Variants in FOXN3 observed in about 807,000 individuals in gnomAD.
FOXN3 encodes the protein forkhead box protein N3.
FOXN3 carries 7 observed loss-of-function variants against 38.4 expected under a neutral mutation model. The observed-to-expected ratio is 0.18, with a 90% confidence interval of 0.10 to 0.34. The LOEUF (loss-of-function observed/expected upper bound fraction) is 0.34, where lower values mean the gene tolerates loss of function less well. Ranked by LOEUF, FOXN3 falls within the 10% of genes least tolerant of loss-of-function variation. The pLI is 1.00. For synonymous variants in FOXN3, 230 were observed against 242.2 expected (o/e 0.95, Z 0.47); for missense variants, 456 against 613.4 (o/e 0.74, Z 2.71).
intron 4 of FOXN3, among the ~76,000 whole-genome samples, chr14:89,260,382 G>A (rs745340355): frequency 8.5e-5 from 13 of 152,226 alleles, no homozygotes; most frequent in South Asian, 4.1e-4. Flanking sequence ...CGACCACTGC[G>A]GCAGCCTGCA....
intron 4 of FOXN3, among the ~76,000 whole-genome samples, chr14:89,241,049 C>T (rs960974346): frequency 2.0e-5 from 3 of 152,180 alleles, no homozygotes; most frequent in Non-Finnish European, 4.4e-5. Context: ...TTAGCAGTGA[C>T]TCTGACAAGC....
chr14:89,166,800 C>T (rs1200257717), intron 5 of FOXN3, among the ~76,000 whole-genome samples: 3 of 152,192 alleles, frequency 2.0e-5, no homozygotes, highest in Admixed American at 6.5e-5. Flanking sequence ...TGAAAAGCTC[C>T]TTCAATTATT....
At chr14:89,421,807 G>A (rs1891917461), upstream of FOXN3, among the ~76,000 whole-genome samples, 2 of 152,118 alleles carry the variant, frequency 1.3e-5, 1 homozygote, top group South Asian at 4.1e-4. Flanking sequence ...GGGATTACAG[G>A]CGCGAGCCAC....
rs543641503 is a variant in FOXN3 at position 89,387,688 on chromosome 14, G to A, written c.543+24246C>T. Among the ~76,000 whole-genome samples, 4 of 152,340 alleles carry A rather than the reference G, an allele frequency of 2.6e-5. No homozygotes were observed. In the South Asian group the frequency reaches 8.3e-4, roughly 32 times the overall value. On this transcript the variant is annotated intron_variant, in intron 2 of 5. Coordinates refer to ENST00000557258, the MANE Select transcript of FOXN3 (RefSeq NM_005197.4). ...GAGAGAGAGAGATTAATAAGATCAGGAGTAGATTCCATTAAGGAAATGGGC... is the reference window on the plus strand; with the variant it reads ...GAGAGAGAGAGATTAATAAGATCAGAAGTAGATTCCATTAAGGAAATGGGC...
chr14:89,542,492 T>G (rs1435802736), intron 1 of FOXN3, among the ~76,000 whole-genome samples: 1 of 152,222 alleles, frequency 6.6e-6, no homozygotes, highest in East Asian at 1.9e-4. Context: ...TTAATAAAGT[T>G]CAGCATGATC....
At chr14:89,340,606 C>A (rs775340195) in intron 3 of FOXN3, among the ~76,000 whole-genome samples, 2 of 152,170 alleles carry the variant, frequency 1.3e-5, no homozygotes, top group African/African-American at 2.4e-5. Context: ...TGGCCAAGAA[C>A]ATGTGCTTCC....
intron 4 of FOXN3, among the ~76,000 whole-genome samples, chr14:89,192,969 C>A (rs570415838): frequency 6.6e-6 from 1 of 152,228 alleles, no homozygotes; most frequent in South Asian, 2.1e-4. Flanking sequence ...TTCTTGCTGG[C>A]ATCTCACAAG....
intron 3 of FOXN3, among the ~76,000 whole-genome samples, chr14:89,323,412 G>C (rs1321011154): frequency 6.6e-6 from 1 of 151,932 alleles, no homozygotes; most frequent in South Asian, 2.1e-4. Context: ...CCCAAAGAAG[G>C]AGAGGTCCCA....
chr14:89,617,698 A>G (rs1232126204), intron 1 of FOXN3, among the ~76,000 whole-genome samples: 2 of 152,242 alleles, frequency 1.3e-5, no homozygotes, highest in African/African-American at 4.8e-5. Flanking sequence ...GACGTCTGCA[A>G]AGAAATTTGT....
At chr14:89,474,940 CGA>C (rs1470004828) in intron 1 of FOXN3, among the ~76,000 whole-genome samples, 1 of 152,084 alleles carries the variant, frequency 6.6e-6, no homozygotes, top group Non-Finnish European at 1.5e-5. Context: ...CTCAGCCTCC[CGA>C]GTAGCTGGGA....
chr14:89,566,082 C>CGGTGG (rs1327302667), intron 1 of FOXN3, among the ~76,000 whole-genome samples: 1 of 152,182 alleles, frequency 6.6e-6, no homozygotes, highest in Non-Finnish European at 1.5e-5. Context: ...AATTCCTGGC[C>CGGTGG]GGTGGGCTCC....
At chr14:89,310,935 C>T (rs769060978) in intron 3 of FOXN3, among the ~76,000 whole-genome samples, 13 of 151,030 alleles carry the variant, frequency 8.6e-5, no homozygotes, top group Non-Finnish European at 1.9e-4. Context: ...GGAGAAACCC[C>T]ATCTCTACTA....
intron 1 of FOXN3, among the ~76,000 whole-genome samples, chr14:89,445,649 G>A (rs533399569): frequency 1.4e-4 from 21 of 152,182 alleles, no homozygotes; most frequent in Admixed American, 7.9e-4. Context: ...TCACACTGCC[G>A]TAAAATCCCC....
chr14:89,318,751 G>A (rs779844152), intron 3 of FOXN3, among the ~76,000 whole-genome samples: 19 of 152,180 alleles, frequency 1.2e-4, no homozygotes, highest in Non-Finnish European at 2.5e-4. Flanking sequence ...CTGGTTGTGC[G>A]CAGCAGTGAC....
chr14:89,306,297 A>AACAC (rs149364423), intron 3 of FOXN3, among the ~76,000 whole-genome samples: 5 of 150,674 alleles, frequency 3.3e-5, no homozygotes, highest in African/African-American at 7.3e-5. Context: ...AGAAAAGCTC[A>AACAC]ACACACACAC....
In FOXN3 at chr14:89,164,010, T is replaced by C. The variant is rs970816583; in HGVS notation, c.852-1041A>G. On this transcript the variant is annotated intron_variant, in intron 5 of 5. Transcript: ENST00000557258. The surrounding 1 kb of genome is among the most constrained non-coding windows in gnomAD (Gnocchi z 4.3). ...ACATCTGAGCGATGTACTTTCCTTG[T>C]GCTTCCTTATCGCGAAAGTGGGAAT... is the stretch of plus-strand genomic sequence containing the variant. Among the ~76,000 whole-genome samples the C allele has an allele frequency of 6.6e-6, 1 of 152,242 alleles. No homozygotes were observed. Among genetic ancestry groups the C allele is most frequent in the Non-Finnish European group, 1.5e-5 (1 of 68,040 alleles).
chr14:89,323,359 G>A (rs1203323230), intron 3 of FOXN3, among the ~76,000 whole-genome samples: 1 of 151,826 alleles, frequency 6.6e-6, no homozygotes, highest in Non-Finnish European at 1.5e-5. Context: ...TTGAAGGGGT[G>A]GTTAGGGTAG....
intron 1 of FOXN3, among the ~76,000 whole-genome samples, chr14:89,477,182 C>T (rs1301359614): frequency 4.6e-5 from 7 of 152,072 alleles, no homozygotes; most frequent in Non-Finnish European, 8.8e-5. Context: ...TGTCCCCCAC[C>T]CCCTTAGACT....
intron 1 of FOXN3, chr14:89,486,640 T>C (rs1247931770): frequency 6.6e-6 from 1 of 152,106 alleles, no homozygotes; most frequent in Non-Finnish European, 1.5e-5. Context: ...GGGGCCTCCA[T>C]AATCACGAGA....
Sources: allele counts gnomAD v4.1 joint callset (sites outside exome capture counted in the v4.1 genomes callset), GRCh38; gene constraint gnomAD v4.1.1; non-coding constraint Gnocchi (gnomAD v3.1); transcripts MANE v1.5; gene names NCBI Gene and HGNC (gene_info 2026-07-23, HGNC 2026-07-21).